Variants in SNRPA observed in about 807,000 individuals in gnomAD.
The protein encoded by SNRPA is small nuclear ribonucleoprotein polypeptide A.
Under a neutral mutation model 24.5 loss-of-function variants are expected in SNRPA, and 10 were observed. The observed-to-expected ratio is 0.41, with a 90% CI of 0.25 to 0.69. The LOEUF is 0.69. Ranked by LOEUF, SNRPA falls within the 30% of genes least tolerant of loss-of-function variation. SNRPA has a pLI of 0.33. For missense variants in SNRPA, 283 were observed against 394.7 expected (o/e 0.72, Z 2.40); for synonymous variants, 165 against 148.4 (o/e 1.11, Z -0.81).
chr19:40,753,581 G>A lies in SNRPA; in HGVS notation c.73+2100G>A, dbSNP rs978833989. Among the ~76,000 whole-genome samples the A allele has an allele frequency of 4.7e-4, 71 of 150,124 alleles. 2 individuals carry two copies. The highest frequency in any genetic ancestry group is 1.6e-3 in the African/African-American group (67 of 40,844). ...CTGGCTAATTTTTATATTTTTAGTA[G>A]AGACGGGGTTTCACCATGTTGGCCA... On this transcript the variant is annotated intron_variant, in intron 1 of 5. Transcript: ENST00000243563.
In SNRPA at chr19:40,764,993, GTCGTTC is replaced by G. The variant is rs565642567; in HGVS notation, c.690-12_690-7del. 2.9e-4 allele frequency: 452 copies of G among 1,546,968 alleles called. 1 individual carries two copies. The African/African-American group carries it at 5.8e-3, about 20-fold the overall frequency. Reference sequence around the variant, plus strand: ...GGGAAATGCTGAGTCCCTGAGGTCTGTCGTTCTCTTTCAGGTTCCCTGGCTTCAAGG... The same window carrying G: ...GGGAAATGCTGAGTCCCTGAGGTCTGTCTTTCAGGTTCCCTGGCTTCAAGG... On this transcript the variant is annotated splice_polypyrimidine_tract_variant and intron_variant, in intron 5 of 5. Transcript: ENST00000243563.
chr19:40,761,228 G>A (rs1048494131), intron 3 of SNRPA, among the ~76,000 whole-genome samples: 1 of 151,882 alleles, frequency 6.6e-6, no homozygotes, highest in African/African-American at 2.4e-5. Flanking sequence ...TCTAGGTACA[G>A]CTACACTTGT....
chr19:40,753,648 C>T (rs901421965), intron 1 of SNRPA, among the ~76,000 whole-genome samples: 14 of 151,782 alleles, frequency 9.2e-5, no homozygotes, highest in African/African-American at 2.9e-4. Flanking sequence ...CCGCCCACCT[C>T]GGCCTCCCAA....
intron 4 of SNRPA, 79 bp downstream of exon 4, chr19:40,763,153 G>A (rs750611681): frequency 1.1e-5 from 13 of 1,189,536 alleles, no homozygotes; most frequent in Non-Finnish European, 1.5e-5. Context: ...TTGGGGGGCT[G>A]CTGTAGGTTG....
chr19:40,751,393 C>T lies in SNRPA; in HGVS notation c.-16C>T. 1 of 1,603,576 alleles carries T rather than the reference C, an allele frequency of 6.2e-7. No homozygotes were observed. The highest frequency in any genetic ancestry group is 8.5e-7 in the Non-Finnish European group (1 of 1,170,484). On this transcript the variant is annotated 5_prime_UTR_variant, in exon 1 of 6. Coordinates refer to ENST00000243563, the MANE Select transcript of SNRPA (RefSeq NM_004596.5). Reference sequence around the variant, plus strand: ...ACGTTTTTCCTCCTTTAAGACTTACCTCAACACTTCACTCCATGGCAGTTC... The same window carrying T: ...ACGTTTTTCCTCCTTTAAGACTTACTTCAACACTTCACTCCATGGCAGTTC...
chr19:40,763,034 C>A lies in SNRPA; in HGVS notation c.560C>A (p.Pro187Gln), dbSNP rs1055371467. ...PGQIPPGAMP[P>Q]QQLMPGQMPP... ...CAGATCCCACCAGGGGCCATGCCCC[C>A]GCAGCAGCTTATGCCAGGACAGATG... Residue 187 changes from proline (P) to glutamine (Q), a missense_variant, in exon 4 of 6, where the codon CCG (proline) becomes CAG (glutamine). Coordinates refer to ENST00000243563, the MANE Select transcript of SNRPA (RefSeq NM_004596.5). The A allele has an allele frequency of 6.2e-7, 1 of 1,604,166 alleles. No individual in the cohort carries two copies. Among genetic ancestry groups the A allele is most frequent in the South Asian group, 1.1e-5 (1 of 89,664 alleles).
At chr19:40,763,555 T>C (rs746424820) in intron 4 of SNRPA, 32 bp from the exon 5 acceptor site, 2 of 1,581,434 alleles carry the variant, frequency 1.3e-6, no homozygotes, top group Non-Finnish European at 1.7e-6. Flanking sequence ...CTCAGGGCTC[T>C]TGTGCTCACC....
rs767465755 is a variant in SNRPA, at chr19:40,763,106, TATAA to T, written c.600+36_600+39del. The T allele has an allele frequency of 2.1e-5, 31 of 1,497,020 alleles. No individual in the cohort carries two copies. The East Asian group carries it at 6.9e-4, about 33-fold the overall frequency. The allele number at this position is 1,497,020 out of a possible 1,614,324, so 92.7% of individuals were successfully genotyped here. ...ATCTAGTCCCACCCACCAGGTCTCA[TATAA>T]ATAGTGAGAATACAGGACTAGAAAG... On this transcript the variant is annotated intron_variant, in intron 4 of 5. Transcript: ENST00000243563.
In SNRPA at chr19:40,762,951, C is replaced by G; in HGVS notation, c.477C>G (p.Gly159=). ...CCCGCATTATGCACCACATGCCGGG[C>G]CAGCCGCCCTACATGCCGCCCCCTG... ...QAPRIMHHMP[G]QPPYMPPPGM... The change falls in exon 4 of 6, where the codon GGC becomes GGG. Residue 159 remains glycine, a synonymous_variant. Coordinates refer to ENST00000243563, the MANE Select transcript of SNRPA (RefSeq NM_004596.5). 1 of 1,613,786 alleles carries G rather than the reference C, an allele frequency of 6.2e-7. No homozygotes were observed. Among genetic ancestry groups the G allele is most frequent in the Non-Finnish European group, 8.5e-7 (1 of 1,179,934 alleles).
intron 2 of SNRPA, among the ~76,000 whole-genome samples, chr19:40,757,946 A>AAAATAAATAAATAAATAAAT (rs202048036): frequency 2.0e-5 from 3 of 149,468 alleles, no homozygotes; most frequent in African/African-American, 7.5e-5. Context: ...TGTCTCAGAA[A>AAAATAAATAAATAAATAAAT]AAATAAATAA....
chr19:40,753,538 A>C (rs915739832), intron 1 of SNRPA, among the ~76,000 whole-genome samples: 6 of 149,586 alleles, frequency 4.0e-5, no homozygotes, highest in African/African-American at 1.5e-4. Flanking sequence ...CTGGAATTAC[A>C]GGCACCCGCC....
chr19:40,753,384 G>GTTTTTTTTTTTGTTTTTTTTTTTTTTTT (rs2082893032), intron 1 of SNRPA, among the ~76,000 whole-genome samples: 2 of 38,382 alleles, frequency 5.2e-5, no homozygotes, highest in Non-Finnish European at 8.6e-5. Context: ...TTTTGCATAT[G>GTTTTTTTTTTTGTTTTTTTTTTTTTTTT]TTTTTTTTTT....
rs770456246 is a variant in SNRPA, at chr19:40,763,679, A to C, written c.689+4A>C. ...TGCTGTCCATGCTTTTCAATCAGTA[A>C]GTGGGGCCTGTGGCTGGGTGGTCCC... On this transcript the variant is annotated splice_donor_region_variant and intron_variant, in intron 5 of 5. Transcript: ENST00000243563. The C allele has an allele frequency of 6.2e-7, 1 of 1,612,860 alleles. No individual in the cohort carries two copies. Among genetic ancestry groups the C allele is most frequent in the African/African-American group, 1.3e-5 (1 of 74,990 alleles).
At chr19:40,757,105 G>A in intron 1 of SNRPA, 1 of 546,342 alleles carries the variant, frequency 1.8e-6, no homozygotes, top group Non-Finnish European at 3.3e-6. Context: ...GCATGTATGT[G>A]CACATGTTCA....
intron 3 of SNRPA, among the ~76,000 whole-genome samples, chr19:40,760,759 C>G (rs894647322): frequency 6.6e-6 from 1 of 152,082 alleles, no homozygotes; most frequent in African/African-American, 2.4e-5. Context: ...TATAAAATAG[C>G]AAGACCTCAT....
intron 1 of SNRPA, among the ~76,000 whole-genome samples, chr19:40,756,269 TAA>T (rs113404478): frequency 7.7e-5 from 11 of 142,086 alleles, no homozygotes; most frequent in African/African-American, 2.6e-4. Flanking sequence ...ATTCTGTCTT[TAA>T]AAAAAAAAAA....
intron 2 of SNRPA, 67 bp downstream of exon 2, chr19:40,757,571 A>G (rs934545294): frequency 2.1e-6 from 3 of 1,424,330 alleles, no homozygotes; most frequent in Admixed American, 2.1e-5. Flanking sequence ...GCGGGCCTGG[A>G]TTAGAGGAGG....
intron 1 of SNRPA, among the ~76,000 whole-genome samples, chr19:40,752,894 G>A (rs922906578): frequency 3.3e-5 from 5 of 152,150 alleles, no homozygotes; most frequent in African/African-American, 1.2e-4. Flanking sequence ...TGGATGTTGG[G>A]GGAGATTAAA....
chr19:40,752,468 C>T (rs2082884083), intron 1 of SNRPA, among the ~76,000 whole-genome samples: 2 of 147,326 alleles, frequency 1.4e-5, no homozygotes, highest in Admixed American at 7.0e-5. Flanking sequence ...TTTGGCCGGG[C>T]GTGGTGGTTC....
Sources: gnomAD v4.1 joint callset for allele counts (sites outside exome capture counted in the v4.1 genomes callset) on GRCh38, gnomAD v4.1.1 for gene constraint, MANE v1.5 for transcripts, NCBI Gene and HGNC (gene_info 2026-07-23, HGNC 2026-07-21) for gene names.